LRMDA: variants seen among roughly 807,000 people sequenced by gnomAD.
The protein encoded by LRMDA is leucine rich melanocyte differentiation associated, also known as leucine-rich melanocyte differentiation-associated protein.
LRMDA carries 18 observed loss-of-function variants against 29.8 expected under a neutral mutation model. That is an observed-to-expected ratio of 0.60 (90% CI 0.42 to 0.90). The LOEUF (loss-of-function observed/expected upper bound fraction) is 0.90, where lower values mean the gene tolerates loss of function less well. Among genes scored for constraint, LRMDA ranks in the 40% least tolerant of loss-of-function variants. The probability of loss-of-function intolerance (pLI) is 0.00; values close to 1 mark genes in which losing one functional copy is unlikely to be tolerated. For synonymous variants in LRMDA, 125 were observed against 109.4 expected, an observed-to-expected ratio of 1.14 and a Z score of -0.89; for missense variants, 273 against 273.9, an observed-to-expected ratio of 1.00 and a Z score of 0.02.
At chr10:76,266,660 A>G (rs116679456) in intron 5 of LRMDA, among the ~76,000 whole-genome samples, 66 of 152,298 alleles carry the variant, frequency 4.3e-4, no homozygotes, top group African/African-American at 1.5e-3. Context: ...TTCCATGTCT[A>G]TGACACTAGG....
chr10:76,472,682 C>T (rs1564551031), intron 6 of LRMDA, among the ~76,000 whole-genome samples: 2 of 151,332 alleles, frequency 1.3e-5, no homozygotes, highest in South Asian at 4.2e-4. Flanking sequence ...TGATTAAAAT[C>T]AGGAATGAAA....
At chr10:75,768,225 T>C (rs1429359941) in intron 2 of LRMDA, among the ~76,000 whole-genome samples, 3 of 152,196 alleles carry the variant, frequency 2.0e-5, no homozygotes, top group African/African-American at 4.8e-5. Flanking sequence ...AGAAGTTGGA[T>C]TGGCATTATT....
intron 5 of LRMDA, among the ~76,000 whole-genome samples, chr10:76,201,262 A>G (rs866442108): frequency 2.0e-5 from 3 of 151,490 alleles, no homozygotes; most frequent in South Asian, 2.1e-4. Context: ...ACGCCAGCTA[A>G]CTTTGTATTT....
chr10:75,962,681 C>A (rs1846790054), intron 2 of LRMDA, among the ~76,000 whole-genome samples: 1 of 152,184 alleles, frequency 6.6e-6, no homozygotes. Context: ...GGCTATGTGA[C>A]AAACTCCAAA....
intron 2 of LRMDA, among the ~76,000 whole-genome samples, chr10:75,598,839 C>A (rs1353054212): frequency 6.6e-6 from 1 of 152,072 alleles, no homozygotes; most frequent in African/African-American, 2.4e-5. Flanking sequence ...ACATGAAGGG[C>A]CTTACTTTTT....
At chr10:75,481,316 T>C (rs1318161995) in intron 2 of LRMDA, among the ~76,000 whole-genome samples, 1 of 152,062 alleles carries the variant, frequency 6.6e-6, no homozygotes, top group South Asian at 2.1e-4. Flanking sequence ...ACCAGCAGAT[T>C]TGTGCTTTGC....
At chr10:76,252,978 A>G (rs1395855373) in intron 5 of LRMDA, among the ~76,000 whole-genome samples, 1 of 152,192 alleles carries the variant, frequency 6.6e-6, no homozygotes, top group African/African-American at 2.4e-5. Context: ...CCCACCCAGG[A>G]CATGCAGACA....
chr10:75,664,686 G>C (rs1375730536), intron 2 of LRMDA, among the ~76,000 whole-genome samples: 3 of 152,126 alleles, frequency 2.0e-5, no homozygotes, highest in Non-Finnish European at 2.9e-5. Context: ...GTTTGTTCAG[G>C]GTGAAGGAAT....
At chr10:76,219,874 A>T (rs147687517) in intron 5 of LRMDA, among the ~76,000 whole-genome samples, 11,844 of 152,070 alleles carry the variant, frequency 0.078, 1,495 homozygotes, top group African/African-American at 0.26. Context: ...GAAGTAAAGC[A>T]CTCCTCAGCA....
chr10:76,334,214 A>G (rs559980955), intron 6 of LRMDA, among the ~76,000 whole-genome samples: 1 of 152,334 alleles, frequency 6.6e-6, no homozygotes, highest in East Asian at 1.9e-4. Context: ...TTTGAAGCCA[A>G]TGCTTTTGGT....
At chr10:76,318,110 A>G (rs867300606) in intron 5 of LRMDA, among the ~76,000 whole-genome samples, 1 of 152,208 alleles carries the variant, frequency 6.6e-6, no homozygotes, top group Non-Finnish European at 1.5e-5. Flanking sequence ...CTTCTGTTAT[A>G]TAAGTGTCTG....
chr10:76,251,881 G>A (rs1177654243), intron 5 of LRMDA, among the ~76,000 whole-genome samples: 2 of 152,306 alleles, frequency 1.3e-5, no homozygotes, highest in Non-Finnish European at 2.9e-5. Context: ...CGGTGGTGGA[G>A]CGTGTTAAAT....
intron 2 of LRMDA, among the ~76,000 whole-genome samples, chr10:75,856,432 A>G (rs891441959): frequency 9.8e-5 from 15 of 152,338 alleles, no homozygotes; most frequent in Non-Finnish European, 1.8e-4. Flanking sequence ...AAAAATCCTC[A>G]ATAAAATACT....
At chr10:76,227,782 C>T (rs1851987332) in intron 5 of LRMDA, among the ~76,000 whole-genome samples, 2 of 151,988 alleles carry the variant, frequency 1.3e-5, no homozygotes, top group Admixed American at 1.3e-4. Flanking sequence ...TCAGTATGTA[C>T]AGTATTTTTT....
intron 2 of LRMDA, among the ~76,000 whole-genome samples, chr10:75,904,065 C>T (rs1346439880): frequency 2.0e-5 from 3 of 152,294 alleles, no homozygotes; most frequent in Admixed American, 6.5e-5. Context: ...ACGGCTGTGG[C>T]TGGGATGCTG....
intron 5 of LRMDA, among the ~76,000 whole-genome samples, chr10:76,069,867 G>A (rs1424255924): frequency 6.6e-6 from 1 of 152,052 alleles, no homozygotes. Context: ...TTTCTGGGGA[G>A]GTTTTAAGTC....
At chr10:76,487,686 G>GA (rs564954084) in intron 6 of LRMDA, among the ~76,000 whole-genome samples, 1 of 151,600 alleles carries the variant, frequency 6.6e-6, no homozygotes, top group African/African-American at 2.4e-5. Context: ...GAGAAATAAG[G>GA]AAAAAAACAA....
chr10:75,849,615 C>T (rs950739993), intron 2 of LRMDA, among the ~76,000 whole-genome samples: 5 of 151,910 alleles, frequency 3.3e-5, no homozygotes, highest in African/African-American at 7.3e-5. Context: ...GGTGAGGTTG[C>T]GGGAGGGAGA....
chr10:75,719,399 A>G (rs1225690286), intron 2 of LRMDA, among the ~76,000 whole-genome samples: 1 of 152,228 alleles, frequency 6.6e-6, no homozygotes, highest in Non-Finnish European at 1.5e-5. Context: ...CATCTTAACC[A>G]TGATGTGAAT....
Sources: gnomAD v4.1 joint callset for allele counts (sites outside exome capture counted in the v4.1 genomes callset) on GRCh38, gnomAD v4.1.1 for gene constraint, MANE v1.5 for transcripts, NCBI Gene and HGNC (gene_info 2026-07-23, HGNC 2026-07-21) for gene names.